Variants in GRIK4 observed in about 807,000 individuals in gnomAD.
GRIK4 encodes glutamate ionotropic receptor kainate type subunit 4.
In GRIK4, 40 loss-of-function variants were observed where a neutral mutation model predicts 104.9. The observed-to-expected ratio is 0.38, with a 90% CI of 0.30 to 0.50. The LOEUF (loss-of-function observed/expected upper bound fraction) is 0.50, where lower values mean the gene tolerates loss of function less well. Ranked by LOEUF, GRIK4 falls within the 20% of genes least tolerant of loss-of-function variation. The pLI is 0.93. For missense variants in GRIK4, 1,047 were observed against 1,308.1 expected, an observed-to-expected ratio of 0.80 and a Z score of 3.08; for synonymous variants, 485 against 524.9, an observed-to-expected ratio of 0.92 and a Z score of 1.04.
intron 1 of GRIK4, among the ~76,000 whole-genome samples, chr11:120,602,948 C>T (rs949658703): frequency 7.9e-5 from 12 of 152,342 alleles, no homozygotes; most frequent in African/African-American, 2.4e-4. Flanking sequence ...AACAGTCTTC[C>T]TGCCGCAGCC....
intron 7 of GRIK4, among the ~76,000 whole-genome samples, chr11:120,832,421 C>T (rs1333225231): frequency 6.6e-6 from 1 of 152,200 alleles, no homozygotes; most frequent in East Asian, 1.9e-4. Context: ...AGGACCATCA[C>T]ACCAGTGTGT....
At chr11:120,604,091 G>A (rs1948923304) in intron 1 of GRIK4, among the ~76,000 whole-genome samples, 1 of 143,590 alleles carries the variant, frequency 7.0e-6, no homozygotes, top group Non-Finnish European at 1.5e-5. Flanking sequence ...AGAATGGCAT[G>A]AACCCAGGAG....
intron 3 of GRIK4, among the ~76,000 whole-genome samples, chr11:120,664,591 G>C (rs1004262895): frequency 2.6e-5 from 4 of 152,152 alleles, no homozygotes; most frequent in Admixed American, 2.6e-4. Context: ...ATTTGAACCT[G>C]TCTCCAAAGC....
chr11:120,742,952 G>T (rs1951364491), intron 3 of GRIK4, among the ~76,000 whole-genome samples: 1 of 152,214 alleles, frequency 6.6e-6, no homozygotes, highest in Non-Finnish European at 1.5e-5. Flanking sequence ...AATGAGATTG[G>T]CTGGGCATGG....
intron 1 of GRIK4, among the ~76,000 whole-genome samples, chr11:120,608,254 A>G (rs1165701797): frequency 6.6e-6 from 1 of 152,192 alleles, no homozygotes; most frequent in African/African-American, 2.4e-5. Context: ...AGCTTAGAGA[A>G]TGTGGGAGGC....
intron 8 of GRIK4, among the ~76,000 whole-genome samples, chr11:120,838,070 G>T (rs1953622022): frequency 6.6e-6 from 1 of 152,188 alleles, no homozygotes; most frequent in South Asian, 2.1e-4. Flanking sequence ...ATGAGGTGGA[G>T]TTGCTTGGCT....
chr11:120,853,069 T>C (rs561970705), intron 8 of GRIK4, among the ~76,000 whole-genome samples: 1 of 152,306 alleles, frequency 6.6e-6, no homozygotes, highest in East Asian at 1.9e-4. Context: ...TTCTTTCAAA[T>C]GGCATCTAGT....
chr11:120,652,396 C>T (rs988660722), intron 1 of GRIK4, among the ~76,000 whole-genome samples: 2 of 152,098 alleles, frequency 1.3e-5, no homozygotes, highest in Non-Finnish European at 2.9e-5. Flanking sequence ...CATTTGTTGT[C>T]AGGGAGAGAG....
chr11:120,734,789 T>C (rs373250428), intron 3 of GRIK4, among the ~76,000 whole-genome samples: 79 of 152,294 alleles, frequency 5.2e-4, no homozygotes, highest in African/African-American at 1.9e-3. Flanking sequence ...TTCCTCCTTC[T>C]GGTTGATCAA....
At chr11:120,584,216 T>C (rs35199514) in intron 1 of GRIK4, among the ~76,000 whole-genome samples, 6,935 of 152,336 alleles carry the variant, frequency 0.046, 197 homozygotes, top group Middle Eastern at 0.078. Context: ...CTTGTTCTAG[T>C]ACTGCAGGGG....
intron 8 of GRIK4, among the ~76,000 whole-genome samples, chr11:120,846,471 C>T (rs1591984958): frequency 6.6e-6 from 1 of 152,116 alleles, no homozygotes; most frequent in Non-Finnish European, 1.5e-5. Context: ...GATATGGCTT[C>T]CCTTACTGAA....
chr11:120,888,945 C>T (rs566732510), intron 11 of GRIK4, among the ~76,000 whole-genome samples: 46 of 152,324 alleles, frequency 3.0e-4, no homozygotes, highest in African/African-American at 1.0e-3. Flanking sequence ...GTTAGAGTTC[C>T]CAGCCTTCCC....
At chr11:120,960,184 C>T (rs991133159) in intron 16 of GRIK4, among the ~76,000 whole-genome samples, 6 of 152,276 alleles carry the variant, frequency 3.9e-5, no homozygotes, top group Admixed American at 3.9e-4. Context: ...CAAAAATTTG[C>T]TGGGCATGGT....
intron 5 of GRIK4, among the ~76,000 whole-genome samples, chr11:120,818,372 C>CA (rs11397996): frequency 0.027 from 4,185 of 152,286 alleles, 188 homozygotes; most frequent in African/African-American, 0.09. Flanking sequence ...TCACTTTAGA[C>CA]AGAGTGGATG....
chr11:120,713,772 A>T (rs1417933940), intron 3 of GRIK4, among the ~76,000 whole-genome samples: 2 of 152,150 alleles, frequency 1.3e-5, no homozygotes, highest in East Asian at 3.9e-4. Flanking sequence ...GAATATTCAT[A>T]GTTCTGTTCA....
At chr11:120,732,766 G>C (rs1232913618) in intron 3 of GRIK4, among the ~76,000 whole-genome samples, 3 of 152,170 alleles carry the variant, frequency 2.0e-5, no homozygotes, top group South Asian at 2.1e-4. Context: ...CATATGGTCT[G>C]TCCTTGAGAA....
chr11:120,617,378 T>C (rs1369062321), intron 1 of GRIK4, among the ~76,000 whole-genome samples: 1 of 151,778 alleles, frequency 6.6e-6, no homozygotes, highest in Non-Finnish European at 1.5e-5. Flanking sequence ...TATTTTATCT[T>C]ATTTATTTAT....
At chr11:120,839,223 C>G (rs921212203) in intron 8 of GRIK4, among the ~76,000 whole-genome samples, 2 of 151,940 alleles carry the variant, frequency 1.3e-5, no homozygotes, top group African/African-American at 4.9e-5. Context: ...CTCTGAATCC[C>G]TTGGGGATCT....
At chr11:120,558,091 A>G (rs1948205283) in intron 1 of GRIK4, among the ~76,000 whole-genome samples, 1 of 152,066 alleles carries the variant, frequency 6.6e-6, no homozygotes, top group Admixed American at 6.5e-5. Flanking sequence ...GACCTGAAAC[A>G]GAATCTCTGT....
Sources: allele counts gnomAD v4.1 joint callset (sites outside exome capture counted in the v4.1 genomes callset), GRCh38; gene constraint gnomAD v4.1.1; transcripts MANE v1.5; gene names NCBI Gene and HGNC (gene_info 2026-07-23, HGNC 2026-07-21).